Variants in PAPPA observed in about 807,000 individuals in gnomAD.
PAPPA encodes the protein pappalysin 1, also known as pappalysin-1.
In PAPPA, 60 loss-of-function variants were observed where a neutral mutation model predicts 164.0. The observed-to-expected ratio is 0.37, with a 90% CI of 0.30 to 0.45. The LOEUF (loss-of-function observed/expected upper bound fraction) is 0.45, where lower values mean the gene tolerates loss of function less well. PAPPA is among the 20% of genes least tolerant of loss of function. The pLI, the probability that PAPPA is intolerant of heterozygous loss-of-function variation, is 1.00. For synonymous variants in PAPPA, 875 were observed against 814.1 expected (o/e 1.07, Z -1.27); for missense variants, 1,782 against 2,087.3 (o/e 0.85, Z 2.85).
intron 1 of PAPPA, among the ~76,000 whole-genome samples, chr9:116,157,849 A>G (rs1383673918): frequency 6.6e-6 from 1 of 151,988 alleles, no homozygotes; most frequent in Admixed American, 6.6e-5. Flanking sequence ...CTTTTGTACC[A>G]CACCAGGCAG....
intron 19 of PAPPA, chr9:116,373,224 C>CATTT (rs778010726): frequency 6.6e-6 from 1 of 151,988 alleles, no homozygotes; most frequent in Non-Finnish European, 1.5e-5. Flanking sequence ...TTTTTTCATT[C>CATTT]ATTTATGGAC....
chr9:116,167,230 A>G (rs941359997), intron 1 of PAPPA, among the ~76,000 whole-genome samples: 2 of 152,192 alleles, frequency 1.3e-5, no homozygotes, highest in Admixed American at 1.3e-4. Context: ...TCAAGTCCCC[A>G]ACATAAAATG....
intron 7 of PAPPA, among the ~76,000 whole-genome samples, chr9:116,261,869 G>A (rs990149369): frequency 3.4e-5 from 5 of 148,742 alleles, no homozygotes; most frequent in African/African-American, 1.3e-4. Flanking sequence ...AAAGAATGAC[G>A]GTTAAATGTA....
chr9:116,156,320 G>GTA (rs144537797), intron 1 of PAPPA, among the ~76,000 whole-genome samples: 64,216 of 137,040 alleles, frequency 0.47, 17,002 homozygotes, highest in Non-Finnish European at 0.61. Flanking sequence ...ATATATGTGT[G>GTA]TATATATATA....
chr9:116,350,409 G>C (rs1473027923), intron 15 of PAPPA, among the ~76,000 whole-genome samples: 1 of 152,154 alleles, frequency 6.6e-6, no homozygotes, highest in African/African-American at 2.4e-5. Context: ...GGGGTGGGGG[G>C]ACATATCCAT....
chr9:116,359,283 G>A (rs987413932), intron 17 of PAPPA, among the ~76,000 whole-genome samples: 2 of 152,136 alleles, frequency 1.3e-5, no homozygotes, highest in Non-Finnish European at 2.9e-5. Context: ...CATGTTATAG[G>A]TGTTTGATAA....
intron 5 of PAPPA, among the ~76,000 whole-genome samples, chr9:116,224,079 T>C (rs1014520053): frequency 6.6e-6 from 1 of 152,208 alleles, no homozygotes; most frequent in Non-Finnish European, 1.5e-5. Flanking sequence ...CATCCATCAA[T>C]GCCAACCTCT....
At chr9:116,219,515 A>AAGTG (rs1844415937) in intron 4 of PAPPA, among the ~76,000 whole-genome samples, 2 of 152,196 alleles carry the variant, frequency 1.3e-5, no homozygotes, top group Non-Finnish European at 1.5e-5. Context: ...ATGGATAAAC[A>AAGTG]AGTGAATGAA....
At chr9:116,216,612 C>T (rs1844375376) in intron 4 of PAPPA, among the ~76,000 whole-genome samples, 1 of 152,188 alleles carries the variant, frequency 6.6e-6, no homozygotes, top group African/African-American at 2.4e-5. Flanking sequence ...GTGGGACTGA[C>T]TCTAGACATT....
intron 10 of PAPPA, among the ~76,000 whole-genome samples, chr9:116,326,089 A>G (rs781570276): frequency 1.3e-5 from 2 of 152,108 alleles, no homozygotes; most frequent in Admixed American, 1.3e-4. Context: ...AGGACTGTCC[A>G]ATGGTACATA....
chr9:116,323,156 A>T (rs886277380), intron 10 of PAPPA, among the ~76,000 whole-genome samples: 3 of 152,142 alleles, frequency 2.0e-5, no homozygotes, highest in Non-Finnish European at 4.4e-5. Flanking sequence ...ATTTAAAAAA[A>T]CCCTTTGAAA....
intron 7 of PAPPA, among the ~76,000 whole-genome samples, chr9:116,246,022 T>C (rs1394427657): frequency 6.6e-6 from 1 of 152,242 alleles, no homozygotes; most frequent in Non-Finnish European, 1.5e-5. Context: ...ATATTCTATA[T>C]GGAAAATTGT....
At chr9:116,274,089 A>C (rs1165567025) in intron 9 of PAPPA, among the ~76,000 whole-genome samples, 2 of 152,168 alleles carry the variant, frequency 1.3e-5, no homozygotes, top group African/African-American at 2.4e-5. Flanking sequence ...ACCTGCAAAA[A>C]AAAAAAAGAT....
At chr9:116,377,475 A>T in intron 19 of PAPPA, 101 bp from the exon 20 acceptor site, 1 of 745,136 alleles carries the variant, frequency 1.3e-6, no homozygotes. Flanking sequence ...CAGGAATTGG[A>T]AGGTCCCAGA....
At chr9:116,393,985 G>C (rs1846928538) in intron 21 of PAPPA, among the ~76,000 whole-genome samples, 1 of 152,182 alleles carries the variant, frequency 6.6e-6, no homozygotes, top group Admixed American at 6.5e-5. Context: ...AGGTGCAGCA[G>C]AAAGCACAAA....
intron 1 of PAPPA, among the ~76,000 whole-genome samples, chr9:116,180,663 C>A (rs2118611709): frequency 6.6e-6 from 1 of 152,116 alleles, no homozygotes; most frequent in Middle Eastern, 3.4e-3. Context: ...AATTGTCATC[C>A]TTTGCTAATT....
At chr9:116,376,027 T>TTA (rs201493066) in intron 19 of PAPPA, among the ~76,000 whole-genome samples, 17 of 144,078 alleles carry the variant, frequency 1.2e-4, no homozygotes, top group African/African-American at 4.0e-4. Context: ...CAGGATTTTT[T>TTA]TTTTTTTTTT....
intron 10 of PAPPA, among the ~76,000 whole-genome samples, chr9:116,304,515 A>G (rs925604490): frequency 1.3e-5 from 2 of 152,254 alleles, no homozygotes; most frequent in Non-Finnish European, 2.9e-5. Context: ...AAACAAGAGA[A>G]TTATTAACAC....
At chr9:116,357,809 G>A (rs1846373322) in intron 17 of PAPPA, among the ~76,000 whole-genome samples, 1 of 152,128 alleles carries the variant, frequency 6.6e-6, no homozygotes, top group Non-Finnish European at 1.5e-5. Flanking sequence ...CAGCAGGGGA[G>A]GACAAAAGCT....
Sources: gnomAD v4.1 joint callset for allele counts (sites outside exome capture counted in the v4.1 genomes callset) on GRCh38, gnomAD v4.1.1 for gene constraint, MANE v1.5 for transcripts, NCBI Gene and HGNC (gene_info 2026-07-23, HGNC 2026-07-21) for gene names.